Variants in USP48 observed in about 807,000 individuals in gnomAD.
The protein encoded by USP48 is ubiquitin carboxyl-terminal hydrolase 48.
A neutral mutation model predicts 150.7 loss-of-function variants in USP48; 43 were observed. That is an observed-to-expected ratio of 0.29 (90% CI 0.22 to 0.37). The LOEUF is 0.37. Among genes scored for constraint, USP48 ranks in the 10% least tolerant of loss-of-function variants. The pLI, the probability that USP48 is intolerant of heterozygous loss-of-function variation, is 1.00. For synonymous variants in USP48, 396 were observed against 425.9 expected, an observed-to-expected ratio of 0.93 and a Z score of 0.86; for missense variants, 813 against 1,249.6, an observed-to-expected ratio of 0.65 and a Z score of 5.27.
chr1:21,684,620 G>A (rs1421473486), intron 25 of USP48, among the ~76,000 whole-genome samples: 9 of 152,076 alleles, frequency 5.9e-5, no homozygotes, highest in Non-Finnish European at 1.5e-5. Context: ...TCTCTGTCTA[G>A]ACCAATGTTT....
intron 15 of USP48, among the ~76,000 whole-genome samples, chr1:21,712,390 G>T (rs970947814): frequency 6.6e-6 from 1 of 151,866 alleles, no homozygotes; most frequent in African/African-American, 2.4e-5. Flanking sequence ...GATAAAATGA[G>T]TTAATATTTA....
At chr1:21,754,754 G>T (rs2097827137) in intron 3 of USP48, among the ~76,000 whole-genome samples, 1 of 152,158 alleles carries the variant, frequency 6.6e-6, no homozygotes, top group Non-Finnish European at 1.5e-5. Flanking sequence ...CTCCAGTGAG[G>T]CATTTCCTCT....
intron 22 of USP48, among the ~76,000 whole-genome samples, chr1:21,697,650 A>G (rs1413380479): frequency 1.3e-5 from 2 of 150,424 alleles, no homozygotes; most frequent in Admixed American, 6.6e-5. Flanking sequence ...GCAACAGGGC[A>G]AGACTCCATC....
Position 21,729,696 on chromosome 1 carries a change from T to G in USP48, c.1300+8A>C. The G allele has an allele frequency of 6.2e-7, 1 of 1,612,708 alleles. No homozygotes were observed. Among genetic ancestry groups the G allele is most frequent in the Non-Finnish European group, 8.5e-7 (1 of 1,178,988 alleles). On this transcript the variant is annotated splice_region_variant and intron_variant, in intron 10 of 26. Coordinates refer to ENST00000308271, the MANE Select transcript of USP48 (RefSeq NM_032236.8). ...TTTGCCTGCTATAATCCTGGAAAAC[T>G]GCTTTACCTGGAACTTGAACAGTAG...
At chr1:21,704,610 T>C (rs1028266619) in intron 19 of USP48, 2 of 437,910 alleles carry the variant, frequency 4.6e-6, no homozygotes, top group Non-Finnish European at 7.9e-6. Flanking sequence ...TGAATCAACA[T>C]GGTTAGATCT....
chr1:21,732,210 C>T (rs905227081), intron 9 of USP48, among the ~76,000 whole-genome samples: 1 of 152,068 alleles, frequency 6.6e-6, no homozygotes, highest in African/African-American at 2.4e-5. Context: ...ACCCAGAAGG[C>T]GGAGATTGTG....
At chr1:21,716,285 T>G (rs900267281) in intron 14 of USP48, among the ~76,000 whole-genome samples, 1 of 152,092 alleles carries the variant, frequency 6.6e-6, no homozygotes, top group African/African-American at 2.4e-5. Context: ...CATTATTAAG[T>G]AAAATAAGGG....
chr1:21,690,127 C>T (rs199725098), intron 23 of USP48, 28 bp from the exon 24 acceptor site: 386 of 1,596,606 alleles, frequency 2.4e-4, no homozygotes, highest in East Asian at 3.8e-4. Flanking sequence ...AGAGAAAGTC[C>T]GTATAATGCA....
chr1:21,708,401 G>C (rs1003713459), intron 15 of USP48, among the ~76,000 whole-genome samples: 12 of 152,220 alleles, frequency 7.9e-5, no homozygotes, highest in Non-Finnish European at 1.3e-4. Flanking sequence ...AGGAGGCTGA[G>C]GCAGAAGAAT....
intron 20 of USP48, among the ~76,000 whole-genome samples, chr1:21,704,008 C>T (rs2097664942): frequency 6.6e-6 from 1 of 152,184 alleles, no homozygotes; most frequent in Admixed American, 6.5e-5. Context: ...TAGGTATGAG[C>T]TAGTGTGCTG....
At chr1:21,774,052 G>A (rs1024991783) in intron 1 of USP48, among the ~76,000 whole-genome samples, 13 of 151,978 alleles carry the variant, frequency 8.6e-5, no homozygotes, top group African/African-American at 2.7e-4. Flanking sequence ...GGTGGCATGC[G>A]CCTGTAATCC....
Position 21,701,570 on chromosome 1 carries a change from C to A in USP48, c.2655G>T (p.Val885=). The A allele has an allele frequency of 6.2e-7, 1 of 1,613,934 alleles. No homozygotes were observed. Among genetic ancestry groups the A allele is most frequent in the South Asian group, 1.1e-5 (1 of 91,064 alleles). The change falls in exon 22 of 27, where the codon GTG becomes GTT. Residue 885 remains valine, a synonymous_variant. Transcript: ENST00000308271. ...VMKDSAPELN[V]SSSETEEDKE... ...TGTCCTCCTCTGTTTCAGAACTACT[C>A]ACATTCAGTTCCGGAGCCGAATCCT...
chr1:21,704,884 G>A (rs1421924104), intron 19 of USP48, among the ~76,000 whole-genome samples: 1 of 152,012 alleles, frequency 6.6e-6, no homozygotes, highest in Non-Finnish European at 1.5e-5. Flanking sequence ...AAACTGAATG[G>A]TAACACACAT....
At chr1:21,770,701 C>T (rs1375330214) in intron 1 of USP48, among the ~76,000 whole-genome samples, 4 of 151,250 alleles carry the variant, frequency 2.6e-5, no homozygotes, top group African/African-American at 9.7e-5. Flanking sequence ...AGACTGGTCT[C>T]GAACTCCTGA....
In USP48 at chr1:21,694,175, G is replaced by A. The variant is rs144515075; in HGVS notation, c.2883+891C>T. On this transcript the variant is annotated intron_variant, in intron 23 of 26. Coordinates refer to ENST00000308271, the MANE Select transcript of USP48 (RefSeq NM_032236.8). The stretch of plus-strand genomic sequence containing the variant: ...TCATAATGCCTGCACTACAGCCGTG[G>A]AACTGATTTGTAAAGCAATGCATGC... Among the ~76,000 whole-genome samples the A allele has an allele frequency of 3.4e-3, 524 of 152,262 alleles. 4 individuals are homozygous for A. Among genetic ancestry groups the A allele is most frequent in the Middle Eastern group, 6.8e-3 (2 of 292 alleles).
intron 9 of USP48, chr1:21,732,616 A>G (rs1397718458): frequency 7.3e-6 from 2 of 274,190 alleles, no homozygotes; most frequent in South Asian, 6.7e-5. Flanking sequence ...CACTCTATCC[A>G]GAAGTACTTT....
At chr1:21,737,288 G>A (rs1385490223) in intron 8 of USP48, among the ~76,000 whole-genome samples, 1 of 152,012 alleles carries the variant, frequency 6.6e-6, no homozygotes, top group East Asian at 1.9e-4. Context: ...CCTCATTAAA[G>A]CTGGAAAAAA....
At chr1:21,747,668 G>A (rs571190287) in intron 7 of USP48, among the ~76,000 whole-genome samples, 1 of 152,224 alleles carries the variant, frequency 6.6e-6, no homozygotes, top group Non-Finnish European at 1.5e-5. Context: ...CGCCTCCTGG[G>A]TTCAAGTGAT....
intron 15 of USP48, among the ~76,000 whole-genome samples, chr1:21,707,117 AT>A (rs1176880517): frequency 1.3e-5 from 2 of 152,172 alleles, no homozygotes; most frequent in Non-Finnish European, 2.9e-5. Context: ...TGAAAAAAAA[AT>A]CATGAGATAA....
Sources: gnomAD v4.1 joint callset for allele counts (sites outside exome capture counted in the v4.1 genomes callset) on GRCh38, gnomAD v4.1.1 for gene constraint, MANE v1.5 for transcripts, NCBI Gene and HGNC (gene_info 2026-07-23, HGNC 2026-07-21) for gene names.